Variants in LRRC4C observed in about 807,000 individuals in gnomAD.
LRRC4C encodes leucine-rich repeat-containing protein 4C.
Under a neutral mutation model 33.6 loss-of-function variants are expected in LRRC4C, and 5 were observed. That is an observed-to-expected ratio of 0.15 (90% CI 0.08 to 0.31). The LOEUF (loss-of-function observed/expected upper bound fraction) is 0.31, where lower values mean the gene tolerates loss of function less well. Among genes scored for constraint, LRRC4C ranks in the 10% least tolerant of loss-of-function variants. The pLI is 1.00. For missense variants in LRRC4C, 560 were observed against 796.7 expected, an observed-to-expected ratio of 0.70 and a Z score of 3.58; for synonymous variants, 329 against 302.0, an observed-to-expected ratio of 1.09 and a Z score of -0.93.
rs1944398743 is a variant in LRRC4C at position 40,294,310 on chromosome 11, A to C, written c.-176+25318T>G. ...ACAGCTGAGTCTAAAAGCAACCCCCACGCTGGGAGGTTCAGGCTGTGTGGG... is the reference window on the plus strand; with the variant it reads ...ACAGCTGAGTCTAAAAGCAACCCCCCCGCTGGGAGGTTCAGGCTGTGTGGG... On this transcript the variant is annotated intron_variant, in intron 4 of 6. Transcript: ENST00000528697. Among the ~76,000 whole-genome samples the C allele has an allele frequency of 1.3e-5, 2 of 152,016 alleles. 1 individual carries two copies. Among genetic ancestry groups the C allele is most frequent in the South Asian group, 4.1e-4 (2 of 4,820 alleles).
At chr11:40,840,447 A>G (rs1424185283) in intron 2 of LRRC4C, among the ~76,000 whole-genome samples, 1 of 152,204 alleles carries the variant, frequency 6.6e-6, no homozygotes, top group East Asian at 1.9e-4. Flanking sequence ...CATTAAAATA[A>G]TGGAATAGAA....
intron 1 of LRRC4C, among the ~76,000 whole-genome samples, chr11:41,185,817 C>T (rs1461873351): frequency 6.6e-6 from 1 of 151,148 alleles, no homozygotes; most frequent in Admixed American, 6.6e-5. Context: ...AATTAAAAGA[C>T]CAACAGATTT....
At chr11:40,599,462 C>T (rs1257079901) in intron 3 of LRRC4C, among the ~76,000 whole-genome samples, 1 of 152,102 alleles carries the variant, frequency 6.6e-6, no homozygotes, top group East Asian at 1.9e-4. Context: ...ATATGGCCTT[C>T]TTAAGAAGAA....
chr11:40,537,460 A>C (rs1956522827), intron 3 of LRRC4C, among the ~76,000 whole-genome samples: 1 of 152,264 alleles, frequency 6.6e-6, no homozygotes, highest in Admixed American at 6.5e-5. Context: ...ATAATACTAT[A>C]TCCCAAATTA....
rs188965849 is a variant in LRRC4C at position 40,472,207 on chromosome 11, G to A, written c.-269-152486C>T. ...AGGCAGGAGACTGGCGTGAACCTGGGAGGCGGAGCTTGCAATGAGCCGAGA... is the reference window on the plus strand; with the variant it reads ...AGGCAGGAGACTGGCGTGAACCTGGAAGGCGGAGCTTGCAATGAGCCGAGA... On this transcript the variant is annotated intron_variant, in intron 3 of 6. Coordinates refer to ENST00000528697, the MANE Select transcript of LRRC4C (RefSeq NM_001258419.2). 1.1e-3 allele frequency among the ~76,000 whole-genome samples: 166 copies of A among 152,054 alleles called. 3 individuals carry two copies. In the East Asian group the frequency reaches 0.019, roughly 17 times the overall value.
At chr11:40,642,919 C>T (rs1942213106) in intron 3 of LRRC4C, among the ~76,000 whole-genome samples, 1 of 152,148 alleles carries the variant, frequency 6.6e-6, no homozygotes, top group Non-Finnish European at 1.5e-5. Flanking sequence ...TTCCAAGGGA[C>T]TTCCACTTAC....
chr11:40,183,162 A>G (rs1183717622), intron 5 of LRRC4C, among the ~76,000 whole-genome samples: 2 of 152,238 alleles, frequency 1.3e-5, no homozygotes, highest in African/African-American at 4.8e-5. Context: ...GTAAGAATGC[A>G]CATACTGTAG....
intron 1 of LRRC4C, among the ~76,000 whole-genome samples, chr11:40,956,444 G>A (rs1195381870): frequency 2.0e-5 from 3 of 151,528 alleles, no homozygotes; most frequent in Admixed American, 1.3e-4. Flanking sequence ...CAGAAATACT[G>A]GGCACTGTTT....
rs201652734 is a variant in LRRC4C at position 40,343,356 on chromosome 11, T to TAC, written c.-269-23637_-269-23636dup. ...ACTAAAACTTACATATATATATATA[T>TAC]ACACATAAATATTAATTTTTGATTT... On this transcript the variant is annotated intron_variant, in intron 3 of 6. Transcript: ENST00000528697. 9.3e-3 allele frequency among the ~76,000 whole-genome samples: 1,365 copies of TAC among 147,146 alleles called. 17 individuals carry two copies. The highest frequency in any genetic ancestry group is 0.033 in the African/African-American group (1,316 of 40,396).
rs778657284 is a variant in LRRC4C at position 40,114,907 on chromosome 11, C to G, written c.1386G>C (p.Met462Ile). ...SYFSTVTVET[M>I]EPSQDEARTT... is the part of the protein sequence containing the mutation. ...TCCGTGCCTCATCCTGAGACGGTTC[C>G]ATAGTCTCTACTGTGACGGTTGAAA... Residue 462 changes from methionine (M) to isoleucine (I), a missense_variant, in exon 7 of 7, where the codon ATG (methionine) becomes ATC (isoleucine). Coordinates refer to ENST00000528697, the MANE Select transcript of LRRC4C (RefSeq NM_001258419.2). The G allele has an allele frequency of 1.9e-6, 3 of 1,614,168 alleles. No homozygotes were observed. The highest frequency in any genetic ancestry group is 2.5e-6 in the Non-Finnish European group (3 of 1,180,032).
intron 4 of LRRC4C, among the ~76,000 whole-genome samples, chr11:40,244,933 A>G (rs1169595470): frequency 1.3e-5 from 2 of 152,204 alleles, no homozygotes; most frequent in African/African-American, 2.4e-5. Flanking sequence ...AACTGTATAA[A>G]TAGACTTTTT....
chr11:40,961,518 G>A (rs546706104), intron 1 of LRRC4C, among the ~76,000 whole-genome samples: 40 of 151,764 alleles, frequency 2.6e-4, no homozygotes, highest in African/African-American at 9.4e-4. Context: ...ATGCATAACT[G>A]GTTTTATAGC....
At chr11:41,195,090 C>T (rs1946124584) in intron 1 of LRRC4C, among the ~76,000 whole-genome samples, 1 of 152,012 alleles carries the variant, frequency 6.6e-6, no homozygotes, top group Admixed American at 6.6e-5. Context: ...CAGAGACCTG[C>T]TTCAGACATA....
intron 1 of LRRC4C, among the ~76,000 whole-genome samples, chr11:41,354,814 A>G (rs1434545723): frequency 6.6e-6 from 1 of 152,082 alleles, no homozygotes; most frequent in African/African-American, 2.4e-5. Context: ...AGAAGTTTGA[A>G]ACTGTACTCA....
At chr11:40,252,038 T>C (rs923510938) in intron 4 of LRRC4C, among the ~76,000 whole-genome samples, 1 of 152,182 alleles carries the variant, frequency 6.6e-6, no homozygotes, top group African/African-American at 2.4e-5. Context: ...ATATCTATCC[T>C]ATTTCATGGA....
intron 1 of LRRC4C, among the ~76,000 whole-genome samples, chr11:41,107,803 T>C (rs1371212123): frequency 1.3e-5 from 2 of 151,990 alleles, no homozygotes; most frequent in Non-Finnish European, 2.9e-5. Context: ...CCATGTGTGT[T>C]GATGGCACCT....
chr11:40,573,597 G>A (rs573307225), intron 3 of LRRC4C, among the ~76,000 whole-genome samples: 117 of 152,178 alleles, frequency 7.7e-4, no homozygotes, highest in African/African-American at 2.4e-3. Flanking sequence ...TCCCTCTTCT[G>A]ATTTCCTAAA....
intron 2 of LRRC4C, among the ~76,000 whole-genome samples, chr11:40,850,744 C>A (rs1423076352): frequency 6.6e-6 from 1 of 152,228 alleles, no homozygotes; most frequent in Non-Finnish European, 1.5e-5. Flanking sequence ...CCCCTTCCCC[C>A]TGGTGCCCTG....
At chr11:40,533,944 T>C (rs1291367132) in intron 3 of LRRC4C, among the ~76,000 whole-genome samples, 1 of 152,172 alleles carries the variant, frequency 6.6e-6, no homozygotes, top group Non-Finnish European at 1.5e-5. Flanking sequence ...CAAGTAAGTG[T>C]GTGCATATAG....
Sources: allele counts gnomAD v4.1 joint callset (sites outside exome capture counted in the v4.1 genomes callset), GRCh38; gene constraint gnomAD v4.1.1; transcripts MANE v1.5; gene names NCBI Gene and HGNC (gene_info 2026-07-23, HGNC 2026-07-21).